The following DDAH1 variants were observed in gnomAD, a reference collection of about 807,000 sequenced individuals.
DDAH1 encodes N(G),N(G)-dimethylarginine dimethylaminohydrolase 1.
DDAH1 carries 19 observed loss-of-function variants against 28.8 expected under a neutral mutation model. The ratio of observed to expected loss-of-function variants is 0.66; its 90% CI spans 0.46 to 0.97. The LOEUF is 0.97. Among genes scored for constraint, DDAH1 ranks in the 50% least tolerant of loss-of-function variants. The pLI is 0.00. For synonymous variants in DDAH1, 153 were observed against 154.4 expected (o/e 0.99, Z 0.07); for missense variants, 326 against 375.9 (o/e 0.87, Z 1.10).
intron 2 of DDAH1, among the ~76,000 whole-genome samples, chr1:85,479,412 A>C (rs1444598053): frequency 1.3e-5 from 2 of 151,700 alleles, no homozygotes; most frequent in African/African-American, 4.8e-5. Flanking sequence ...TGACCTCATG[A>C]TCCACCCGCC....
At chr1:85,341,670 C>T (rs988818703) in intron 4 of DDAH1, among the ~76,000 whole-genome samples, 8 of 151,928 alleles carry the variant, frequency 5.3e-5, no homozygotes, top group East Asian at 1.9e-4. Flanking sequence ...AAAAATCAGC[C>T]GGGGAGGTGG....
intron 1 of DDAH1, among the ~76,000 whole-genome samples, chr1:85,397,712 A>G (rs1651876593): frequency 2.0e-5 from 3 of 152,210 alleles, no homozygotes; most frequent in Admixed American, 2.0e-4. Flanking sequence ...CAAGGCTTTG[A>G]CTGAAATGTA....
intron 1 of DDAH1, among the ~76,000 whole-genome samples, chr1:85,513,854 C>T (rs1453495271): frequency 6.6e-6 from 1 of 152,168 alleles, no homozygotes; most frequent in East Asian, 1.9e-4. Flanking sequence ...CAGGAAACAA[C>T]AGATGCTGGA....
chr1:85,410,751 T>C (rs989968987), intron 1 of DDAH1, among the ~76,000 whole-genome samples: 7 of 152,218 alleles, frequency 4.6e-5, no homozygotes, highest in African/African-American at 1.2e-4. Flanking sequence ...GATGACTTTG[T>C]AGTAGTTGGC....
At chr1:85,545,317 G>C (rs1658587603) in intron 1 of DDAH1, among the ~76,000 whole-genome samples, 1 of 152,162 alleles carries the variant, frequency 6.6e-6, no homozygotes, top group Non-Finnish European at 1.5e-5. Flanking sequence ...CAGAGGAAAA[G>C]AAAATATCAG....
intron 1 of DDAH1, among the ~76,000 whole-genome samples, chr1:85,372,908 C>T (rs796737929): frequency 9.2e-5 from 14 of 152,188 alleles, no homozygotes; most frequent in African/African-American, 3.4e-4. Flanking sequence ...CATTTCAGAA[C>T]AGGAATGTGC....
At chr1:85,541,095 G>T (rs1177620216) in intron 1 of DDAH1, among the ~76,000 whole-genome samples, 1 of 150,996 alleles carries the variant, frequency 6.6e-6, no homozygotes, top group Non-Finnish European at 1.5e-5. Flanking sequence ...ACCAGTTATT[G>T]TCACGTCACC....
At chr1:85,567,742 A>C (rs1659343152) in intron 1 of DDAH1, among the ~76,000 whole-genome samples, 1 of 152,220 alleles carries the variant, frequency 6.6e-6, no homozygotes, top group Non-Finnish European at 1.5e-5. Context: ...AAAACCTAAC[A>C]GAAGTAAAAA....
intron 1 of DDAH1, among the ~76,000 whole-genome samples, chr1:85,501,267 C>T (rs1656808142): frequency 6.6e-6 from 1 of 152,150 alleles, no homozygotes; most frequent in East Asian, 1.9e-4. Flanking sequence ...TTAGTATAGC[C>T]TTGAGTCCAG....
intron 2 of DDAH1, among the ~76,000 whole-genome samples, chr1:85,485,322 T>A (rs1007771281): frequency 6.6e-6 from 1 of 152,120 alleles, no homozygotes; most frequent in African/African-American, 2.4e-5. Context: ...TTTTTTTAAA[T>A]GAGTAAAGAG....
intron 1 of DDAH1, among the ~76,000 whole-genome samples, chr1:85,530,222 T>A (rs1328306970): frequency 6.6e-6 from 1 of 152,186 alleles, no homozygotes; most frequent in Non-Finnish European, 1.5e-5. Flanking sequence ...TAGTAAGCGT[T>A]CCATAAATAT....
intron 1 of DDAH1, among the ~76,000 whole-genome samples, chr1:85,438,492 T>C (rs1654040771): frequency 6.6e-6 from 1 of 152,178 alleles, no homozygotes; most frequent in South Asian, 2.1e-4. Context: ...TTTTGGAAGA[T>C]GAGCCTAATG....
chr1:85,366,097 T>TA (rs745539966), intron 1 of DDAH1, among the ~76,000 whole-genome samples: 12,678 of 140,620 alleles, frequency 0.09, 866 homozygotes, highest in African/African-American at 0.19. Flanking sequence ...TGATAGCTGG[T>TA]AAAAAAAAAA....
intron 4 of DDAH1, among the ~76,000 whole-genome samples, chr1:85,332,320 A>G (rs1647826797): frequency 6.6e-6 from 1 of 152,194 alleles, no homozygotes; most frequent in Non-Finnish European, 1.5e-5. Context: ...CACACATTGT[A>G]CTGCACACTG....
At chr1:85,510,601 A>T (rs1179320809) in intron 1 of DDAH1, among the ~76,000 whole-genome samples, 1 of 152,196 alleles carries the variant, frequency 6.6e-6, no homozygotes, top group Non-Finnish European at 1.5e-5. Flanking sequence ...TATTCAGGAG[A>T]CCCATCTCAC....
chr1:85,544,745 G>A (rs922868057), intron 1 of DDAH1, among the ~76,000 whole-genome samples: 3 of 152,036 alleles, frequency 2.0e-5, no homozygotes, highest in African/African-American at 7.2e-5. Flanking sequence ...TAACTACCTG[G>A]GCACAGTAGC....
chr1:85,473,499 A>G (rs1655688397), intron 2 of DDAH1, among the ~76,000 whole-genome samples: 1 of 152,028 alleles, frequency 6.6e-6, no homozygotes, highest in Non-Finnish European at 1.5e-5. Flanking sequence ...ACACACACAC[A>G]CGCACGCGCA....
intron 1 of DDAH1, among the ~76,000 whole-genome samples, chr1:85,514,499 T>C (rs1158323493): frequency 2.0e-5 from 3 of 148,038 alleles, no homozygotes; most frequent in African/African-American, 7.5e-5. Flanking sequence ...CTGCACATTG[T>C]GCACATGTAC....
At chr1:85,516,205 C>A (rs1408606660) in intron 1 of DDAH1, among the ~76,000 whole-genome samples, 5 of 152,000 alleles carry the variant, frequency 3.3e-5, no homozygotes, top group Non-Finnish European at 7.3e-5. Context: ...AGGGAGACTA[C>A]AGTTCAGCCC....
Sources: gnomAD v4.1 joint callset for allele counts (sites outside exome capture counted in the v4.1 genomes callset) on GRCh38, gnomAD v4.1.1 for gene constraint, MANE v1.5 for transcripts, NCBI Gene and HGNC (gene_info 2026-07-23, HGNC 2026-07-21) for gene names.